The following TSC2 variants were observed in gnomAD, a reference collection of about 807,000 sequenced individuals.
The protein encoded by TSC2 is tuberin.
Under a neutral mutation model 202.2 loss-of-function variants are expected in TSC2, and 29 were observed. The ratio of observed to expected loss-of-function variants is 0.14; its 90% CI spans 0.11 to 0.20. The LOEUF (loss-of-function observed/expected upper bound fraction) is 0.20. Ranked by LOEUF, TSC2 falls within the 10% of genes least tolerant of loss-of-function variation. The pLI, the probability that TSC2 is intolerant of heterozygous loss-of-function variation, is 1.00. For synonymous variants in TSC2, 1,349 were observed against 1,044.0 expected (o/e 1.29, Z -5.63); for missense variants, 2,429 against 2,420.0 (o/e 1.00, Z -0.08).
At chr16:2,085,772 A>G (rs2090700495) in intron 36 of TSC2, among the ~76,000 whole-genome samples, 1 of 152,206 alleles carries the variant, frequency 6.6e-6, no homozygotes, top group South Asian at 2.1e-4. Flanking sequence ...TATAGGCTGC[A>G]CCTTCATCCC....
chr16:2,083,619 C>T, intron 32 of TSC2, 76 bp from the exon 33 acceptor site: 2 of 1,546,252 alleles, frequency 1.3e-6, no homozygotes, highest in Non-Finnish European at 1.7e-6. Flanking sequence ...CAGGAGAAGG[C>T]TGGTTCTCGG....
At chr16:2,075,729 C>T (rs769226615) in intron 22 of TSC2, 70 bp from the exon 23 acceptor site, 65 of 1,525,674 alleles carry the variant, frequency 4.3e-5, no homozygotes, top group Non-Finnish European at 5.7e-5. Context: ...GTGGGCAGAG[C>T]AGCCGTGTTG....
intron 5 of TSC2, chr16:2,055,137 A>G: frequency 1.8e-6 from 1 of 554,236 alleles, no homozygotes; most frequent in Non-Finnish European, 3.3e-6. Context: ...AGTGTACGGC[A>G]TACACACTTC....
chr16:2,060,638 G>T, intron 10 of TSC2, 32 bp from the exon 11 acceptor site: 1 of 1,613,718 alleles, frequency 6.2e-7, no homozygotes. Flanking sequence ...AAGCAGCTCT[G>T]ACCCTGTGTG....
At chr16:2,084,925 G>C (rs2151542438) in intron 34 of TSC2, 26 bp from the exon 35 acceptor site, 2 of 1,612,964 alleles carry the variant, frequency 1.2e-6, no homozygotes, top group East Asian at 2.2e-5. Context: ...CCTCACCTGG[G>C]TGCCCACCAT....
chr16:2,079,649 A>T lies in TSC2; in HGVS notation c.3377A>T (p.Asp1126Val), dbSNP rs397514945. The T allele has an allele frequency of 6.4e-5, 102 of 1,601,564 alleles. No homozygotes were observed. Among genetic ancestry groups the T allele is most frequent in the Non-Finnish European group, 8.3e-5 (97 of 1,175,186 alleles). Residue 1126 changes from aspartate (D) to valine (V), a missense_variant, in exon 29 of 42, where the codon GAT becomes GTT. Physicochemically the swap from Asp to Val is radical, Grantham distance 152 (BLOSUM62 -3). Transcript: ENST00000219476. The surrounding 1 kb of genome is among the most constrained non-coding windows in gnomAD (Gnocchi z 4.6). ...AGQQVSRGAR[D>V]RVRSMSGGHG... ...CAGCAGGTGTCCCGTGGGGCCCGGG[A>T]TCGGGTCCGTTCCATGTCGGGTGAG...
At chr16:2,086,587 A>G in intron 37 of TSC2, 145 bp from the exon 38 acceptor site, 19 of 1,416,750 alleles carry the variant, frequency 1.3e-5, no homozygotes, top group Non-Finnish European at 1.7e-5. Flanking sequence ...CCCTGGGGAG[A>G]GCCGAGGACC....
At chr16:2,050,320 C>CTT in intron 2 of TSC2, 80 bp from the exon 3 acceptor site, 1 of 1,306,964 alleles carries the variant, frequency 7.7e-7, no homozygotes, top group South Asian at 1.2e-5. Flanking sequence ...CAGTGGGAGT[C>CTT]TTTAGGTGGT....
At chr16:2,051,280 A>G (rs866337121) in intron 3 of TSC2, among the ~76,000 whole-genome samples, 1 of 151,152 alleles carries the variant, frequency 6.6e-6, no homozygotes, top group African/African-American at 2.4e-5. Flanking sequence ...AGATCGCCCC[A>G]CTGCACTCCA....
chr16:2,057,666 C>G (rs1220294398), intron 9 of TSC2, among the ~76,000 whole-genome samples: 1 of 152,184 alleles, frequency 6.6e-6, no homozygotes, highest in Non-Finnish European at 1.5e-5. Flanking sequence ...TGGCCTTTTT[C>G]TGACACAGAT....
intron 3 of TSC2, among the ~76,000 whole-genome samples, chr16:2,051,712 C>T (rs764229800): frequency 6.6e-6 from 1 of 152,148 alleles, no homozygotes; most frequent in African/African-American, 2.4e-5. Flanking sequence ...TGATTGCTAC[C>T]TCTGCAGCAG....
At position 2,054,452 on chromosome 16, in the gene TSC2, C is replaced by T. The variant is rs777645015; in HGVS notation, c.481+12C>T. 1.4e-5 allele frequency: 23 copies of T among 1,613,984 alleles called. No homozygotes were observed. The African/African-American group carries it at 2.5e-4, about 18-fold the overall frequency. On this transcript the variant is annotated intron_variant, in intron 5 of 41. Transcript: ENST00000219476. ...GGAGGAAGAGCTGGGTGGGTGCCACCTTGGGTTGGAGGTTTCTCTGGCCTT... is the reference window on the plus strand; with the variant it reads ...GGAGGAAGAGCTGGGTGGGTGCCACTTTGGGTTGGAGGTTTCTCTGGCCTT...
rs2090776434 is a variant in TSC2, at chr16:2,086,267, C to A, written c.4737C>A (p.Gly1579=). The part of the protein sequence containing the change: ...YRYTEFLTGL[G]RLIELKDCQP... Reference sequence around the variant, plus strand: ...ACACGGAGTTCCTGACGGGCCTGGGCCGGCTCATCGAGCTGAAGGACTGCC... The same window carrying A: ...ACACGGAGTTCCTGACGGGCCTGGGACGGCTCATCGAGCTGAAGGACTGCC... The change falls in exon 37 of 42, where the codon GGC becomes GGA. Residue 1579 remains glycine (G), a synonymous_variant. Transcript: ENST00000219476. 1 of 1,612,852 alleles carries A rather than the reference C, an allele frequency of 6.2e-7. No homozygotes were observed. Among genetic ancestry groups the A allele is most frequent in the Non-Finnish European group, 8.5e-7 (1 of 1,179,974 alleles).
At chr16:2,054,162 T>C in intron 4 of TSC2, 134 bp from the exon 5 acceptor site, 1 of 1,410,494 alleles carries the variant, frequency 7.1e-7, no homozygotes. Flanking sequence ...CAGACCTGTC[T>C]CTTGCAGGGC....
rs1596382895 is a variant in TSC2, at chr16:2,079,181, C to T, written c.3116C>T (p.Thr1039Met). ...MMARYVFSNF[T>M]AVPKRSPVGE... The stretch of plus-strand genomic sequence containing the variant: ...GCTCGATACGTCTTCTCCAACTTCA[C>T]GGCTGTCCCGAAGAGGTCCAGGCGG... The change falls in exon 27 of 42, where the codon ACG (threonine) becomes ATG (methionine). Residue 1039 changes from threonine to methionine, a missense_variant. Thr to Met is a moderately conservative substitution (Grantham distance 81). Transcript: ENST00000219476. This position sits in a 1 kb window ranked among gnomAD's most constrained non-coding sequence, Gnocchi z 4.6. The T allele has an allele frequency of 3.7e-6, 6 of 1,612,936 alleles. No individual in the cohort carries two copies. Among genetic ancestry groups the T allele is most frequent in the South Asian group, 1.1e-5 (1 of 91,090 alleles).
intron 15 of TSC2, 53 bp downstream of exon 15, chr16:2,064,480 C>T (rs2151193058): frequency 6.2e-7 from 1 of 1,610,106 alleles, no homozygotes; most frequent in Non-Finnish European, 8.5e-7. Flanking sequence ...GCTCCGTGGG[C>T]AGCAATGGCC....
chr16:2,082,167 C>A, intron 31 of TSC2: 1 of 596,800 alleles, frequency 1.7e-6, no homozygotes, highest in Admixed American at 2.9e-5. Flanking sequence ...CCCCACTCGG[C>A]ACCGTGCTTC....
At chr16:2,075,935 C>T (rs747762099) in intron 23 of TSC2, 43 bp downstream of exon 23, 3 of 1,612,564 alleles carry the variant, frequency 1.9e-6, no homozygotes, top group African/African-American at 1.3e-5. Flanking sequence ...GCCGTGGCCC[C>T]CGCTAGGCCT....
rs551399919 is a variant in TSC2, at chr16:2,080,752, G to A, written c.3610+375G>A. On this transcript the variant is annotated intron_variant, in intron 30 of 41. Transcript: ENST00000219476. ...GCCCGCCTTGGCCTCCCAAAGTGCT[G>A]GGATTACAGGCGTGAGCCACCGCGC... The A allele has an allele frequency of 9.8e-5, 26 of 265,986 alleles. No homozygotes were observed. The South Asian group carries it at 1.0e-3, about 10-fold the overall frequency. 16.5% of individuals were successfully genotyped at this position (265,986 alleles called of 1,614,324 possible).
Sources: allele counts gnomAD v4.1 joint callset (sites outside exome capture counted in the v4.1 genomes callset), GRCh38; gene constraint gnomAD v4.1.1; non-coding constraint Gnocchi (gnomAD v3.1); transcripts MANE v1.5; gene names NCBI Gene and HGNC (gene_info 2026-07-23, HGNC 2026-07-21).